COMMD10: variants seen among roughly 807,000 people sequenced by gnomAD.
The protein encoded by COMMD10 is COMM domain containing 10.
A neutral mutation model predicts 28.9 loss-of-function variants in COMMD10; 33 were observed. The ratio of observed to expected loss-of-function variants is 1.14; its 90% CI spans 0.87 to 1.53. COMMD10 has a LOEUF of 1.53. Among genes scored for constraint, COMMD10 ranks in the 40% most tolerant of loss-of-function variants. COMMD10 has a pLI of 0.00. For missense variants in COMMD10, 310 were observed against 233.4 expected (o/e 1.33, Z -2.14); for synonymous variants, 110 against 81.7 (o/e 1.35, Z -1.87).
chr5:116,289,871 G>A (rs748139447), intron 5 of COMMD10, among the ~76,000 whole-genome samples: 5 of 151,814 alleles, frequency 3.3e-5, no homozygotes, highest in Non-Finnish European at 7.4e-5. Context: ...TTGTTAACTT[G>A]GTACCTTAGT....
intron 5 of COMMD10, among the ~76,000 whole-genome samples, chr5:116,237,917 C>T (rs1332811182): frequency 6.6e-6 from 1 of 152,046 alleles, no homozygotes; most frequent in African/African-American, 2.4e-5. Flanking sequence ...GCTAAAGGGT[C>T]AGAATGTCGT....
At position 116,273,476 on chromosome 5, in the gene COMMD10, C is replaced by G. The variant is rs963984268; in HGVS notation, c.511-18041C>G. Among the ~76,000 whole-genome samples, 19 of 151,854 alleles carry G rather than the reference C, an allele frequency of 1.3e-4. No individual in the cohort carries two copies. In the South Asian group the frequency reaches 3.5e-3, roughly 28 times the overall value. The stretch of plus-strand genomic sequence containing the variant: ...AGTCCTATAAAACAATTCTACAAAA[C>G]AATTTCAAGTTCAAAATTATTATTG... On this transcript the variant is annotated intron_variant, in intron 5 of 6. Coordinates refer to ENST00000274458, the MANE Select transcript of COMMD10 (RefSeq NM_016144.4).
At chr5:116,176,720 C>T (rs1463653878) in intron 5 of COMMD10, among the ~76,000 whole-genome samples, 1 of 151,848 alleles carries the variant, frequency 6.6e-6, no homozygotes, top group Non-Finnish European at 1.5e-5. Flanking sequence ...AAAAAATTTC[C>T]TAGTTATTGA....
intron 5 of COMMD10, among the ~76,000 whole-genome samples, chr5:116,174,655 A>G (rs1274066168): frequency 3.3e-5 from 5 of 152,142 alleles, no homozygotes; most frequent in African/African-American, 1.2e-4. Context: ...GGTTAGATAC[A>G]AAGTGTGAGA....
intron 4 of COMMD10, among the ~76,000 whole-genome samples, chr5:116,104,632 T>C (rs936246262): frequency 6.6e-6 from 1 of 152,106 alleles, no homozygotes; most frequent in Non-Finnish European, 1.5e-5. Context: ...TTTTCTTTTT[T>C]TTTTTGAGAC....
intron 5 of COMMD10, among the ~76,000 whole-genome samples, chr5:116,228,934 C>G (rs1047224628): frequency 1.3e-4 from 20 of 151,834 alleles, no homozygotes; most frequent in Admixed American, 1.3e-3. Flanking sequence ...ATTTTTGACT[C>G]CCAGCTCAGG....
intron 5 of COMMD10, among the ~76,000 whole-genome samples, chr5:116,174,434 A>G (rs1007621127): frequency 6.6e-6 from 1 of 152,178 alleles, no homozygotes; most frequent in Non-Finnish European, 1.5e-5. Context: ...GAGCAGAAAC[A>G]TACATGTTCT....
rs181060514 is a variant in COMMD10 at position 116,236,275 on chromosome 5, G to T, written c.511-55242G>T. On this transcript the variant is annotated intron_variant, in intron 5 of 6. Coordinates refer to ENST00000274458, the MANE Select transcript of COMMD10 (RefSeq NM_016144.4). The stretch of plus-strand genomic sequence containing the variant: ...TCCCAGCACTTTGGGAAGCTGAGGT[G>T]GGTGGATCACCTGAGCACAGGAGTT... Among the ~76,000 whole-genome samples, 729 of 152,038 alleles carry T rather than the reference G, an allele frequency of 4.8e-3. 6 individuals carry two copies. The highest frequency in any genetic ancestry group is 0.015 in the African/African-American group (618 of 41,480).
intron 5 of COMMD10, among the ~76,000 whole-genome samples, chr5:116,226,432 T>G (rs970891712): frequency 2.0e-5 from 3 of 148,924 alleles, no homozygotes; most frequent in African/African-American, 7.5e-5. Flanking sequence ...TTTTTTTTTT[T>G]GAGAACAGCA....
intron 5 of COMMD10, among the ~76,000 whole-genome samples, chr5:116,256,695 G>T (rs1002849102): frequency 1.3e-5 from 2 of 151,806 alleles, no homozygotes; most frequent in East Asian, 3.9e-4. Context: ...TGGGACCCAA[G>T]TCTTAACGTG....
intron 5 of COMMD10, among the ~76,000 whole-genome samples, chr5:116,262,857 A>C (rs923012729): frequency 6.6e-6 from 1 of 151,852 alleles, no homozygotes; most frequent in Non-Finnish European, 1.5e-5. Context: ...TAAAATGGCC[A>C]CTGTAAGTAT....
At chr5:116,088,866 C>T (rs1028202175) in intron 2 of COMMD10, among the ~76,000 whole-genome samples, 2 of 152,180 alleles carry the variant, frequency 1.3e-5, no homozygotes, top group African/African-American at 4.8e-5. Flanking sequence ...ATCCCCAAAC[C>T]TATTAATGTG....
chr5:116,147,313 G>C (rs1193044837), intron 5 of COMMD10, among the ~76,000 whole-genome samples: 1 of 151,846 alleles, frequency 6.6e-6, no homozygotes, highest in African/African-American at 2.4e-5. Flanking sequence ...TGGGGTTGAT[G>C]AAGCAGTATT....
chr5:116,237,855 G>A (rs750423000), intron 5 of COMMD10, among the ~76,000 whole-genome samples: 3 of 152,120 alleles, frequency 2.0e-5, no homozygotes, highest in Non-Finnish European at 4.4e-5. Flanking sequence ...AACTCCTACT[G>A]AGAATTAGAA....
intron 5 of COMMD10, among the ~76,000 whole-genome samples, chr5:116,184,643 A>G (rs1748081224): frequency 6.6e-6 from 1 of 152,068 alleles, no homozygotes; most frequent in Admixed American, 6.6e-5. Context: ...GTTGTTATTT[A>G]CCAAAAGAAA....
At chr5:116,275,474 A>T (rs1561404642) in intron 5 of COMMD10, among the ~76,000 whole-genome samples, 1 of 151,782 alleles carries the variant, frequency 6.6e-6, no homozygotes, top group Non-Finnish European at 1.5e-5. Context: ...TTTGCCTGTT[A>T]GGGCAAAGTA....
intron 5 of COMMD10, among the ~76,000 whole-genome samples, chr5:116,182,052 AAGG>A (rs1386263731): frequency 2.0e-5 from 3 of 152,104 alleles, no homozygotes; most frequent in Non-Finnish European, 4.4e-5. Context: ...GGACAAGAAC[AAGG>A]AGATGATTGA....
At chr5:116,244,808 A>G (rs1037678861) in intron 5 of COMMD10, among the ~76,000 whole-genome samples, 1 of 152,002 alleles carries the variant, frequency 6.6e-6, no homozygotes, top group African/African-American at 2.4e-5. Flanking sequence ...AAATACCGGA[A>G]TCTATGGAAT....
chr5:116,134,209 A>G lies in COMMD10; in HGVS notation c.510+31A>G, dbSNP rs754459043. ...AAATGGTATCCCATTAAAAGGATGTATTTTGTTTGTTAGGACTTAAACTTT... is the reference window on the plus strand; with the variant it reads ...AAATGGTATCCCATTAAAAGGATGTGTTTTGTTTGTTAGGACTTAAACTTT... On this transcript the variant is annotated intron_variant, in intron 5 of 6. Transcript: ENST00000274458. The G allele has an allele frequency of 4.6e-6, 6 of 1,301,250 alleles. No homozygotes were observed. The South Asian group carries it at 6.0e-5, about 13-fold the overall frequency. The allele number at this position is 1,301,250 out of a possible 1,614,324, so 80.6% of individuals were successfully genotyped here.
Sources: allele counts gnomAD v4.1 joint callset (sites outside exome capture counted in the v4.1 genomes callset), GRCh38; gene constraint gnomAD v4.1.1; transcripts MANE v1.5; gene names NCBI Gene and HGNC (gene_info 2026-07-23, HGNC 2026-07-21).